The following ELAPOR2 variants were observed in gnomAD, a reference collection of about 807,000 sequenced individuals.
ELAPOR2 encodes endosome/lysosome-associated apoptosis and autophagy regulator family member 2.
In ELAPOR2, 89 loss-of-function variants were observed where a neutral mutation model predicts 120.7. The ratio of observed to expected loss-of-function variants is 0.74; its 90% CI spans 0.62 to 0.88. The LOEUF is 0.88. Ranked by LOEUF, ELAPOR2 falls within the 40% of genes least tolerant of loss-of-function variation. The probability of loss-of-function intolerance (pLI) is 0.00; values close to 1 mark genes in which losing one functional copy is unlikely to be tolerated. For missense variants in ELAPOR2, 1,134 were observed against 1,251.6 expected (o/e 0.91, Z 1.42); for synonymous variants, 444 against 444.9 (o/e 1.00, Z 0.03).
intron 1 of ELAPOR2, among the ~76,000 whole-genome samples, chr7:87,034,347 A>G (rs1024491055): frequency 2.6e-5 from 4 of 152,116 alleles, no homozygotes; most frequent in African/African-American, 9.7e-5. Flanking sequence ...TATTGTTATT[A>G]TTTATTATTC....
intron 18 of ELAPOR2, among the ~76,000 whole-genome samples, chr7:86,901,652 G>T (rs1034007487): frequency 6.6e-6 from 1 of 152,214 alleles, no homozygotes; most frequent in African/African-American, 2.4e-5. Context: ...TGAAGGGAAA[G>T]GCCACAGTTT....
intron 4 of ELAPOR2, among the ~76,000 whole-genome samples, chr7:86,943,257 A>C (rs1409400520): frequency 1.3e-5 from 2 of 151,858 alleles, no homozygotes; most frequent in Non-Finnish European, 2.9e-5. Flanking sequence ...GTAAAACCTA[A>C]GTCTAATCAC....
At chr7:87,021,539 T>C (rs1222261456) in intron 1 of ELAPOR2, among the ~76,000 whole-genome samples, 1 of 152,170 alleles carries the variant, frequency 6.6e-6, no homozygotes, top group Non-Finnish European at 1.5e-5. Flanking sequence ...AACACTAAGA[T>C]GAATAACAAC....
At chr7:86,986,175 A>G (rs1304576498) in intron 1 of ELAPOR2, among the ~76,000 whole-genome samples, 1 of 88,842 alleles carries the variant, frequency 1.1e-5, no homozygotes, top group Non-Finnish European at 2.3e-5. Flanking sequence ...CACGCCTGTA[A>G]TCCCAGCACT....
chr7:86,922,451 A>G (rs529787847), intron 10 of ELAPOR2, among the ~76,000 whole-genome samples: 3 of 151,996 alleles, frequency 2.0e-5, no homozygotes, highest in Admixed American at 2.0e-4. Context: ...ACCTAAAATT[A>G]CTTATAACTT....
intron 1 of ELAPOR2, among the ~76,000 whole-genome samples, chr7:87,006,699 A>T (rs1233863707): frequency 6.6e-6 from 1 of 152,126 alleles, no homozygotes; most frequent in Non-Finnish European, 1.5e-5. Context: ...TCTACTCAAG[A>T]TTTTACCCAA....
intron 10 of ELAPOR2, 57 bp from the exon 11 acceptor site, chr7:86,919,367 A>C: frequency 9.8e-7 from 1 of 1,017,682 alleles, no homozygotes; most frequent in Non-Finnish European, 1.5e-6. Flanking sequence ...ATCTCCAACA[A>C]TCTGTTTAAA....
intron 18 of ELAPOR2, among the ~76,000 whole-genome samples, chr7:86,907,203 A>G (rs1789062680): frequency 6.6e-6 from 1 of 152,108 alleles, no homozygotes; most frequent in Admixed American, 6.6e-5. Context: ...AAGAGCTAGA[A>G]ATCGATAATA....
chr7:87,004,117 C>G (rs961325167), intron 1 of ELAPOR2, among the ~76,000 whole-genome samples: 1 of 152,120 alleles, frequency 6.6e-6, no homozygotes, highest in South Asian at 2.1e-4. Flanking sequence ...ATTATCCTTT[C>G]AAAAGGGAGA....
rs188836271 is a variant in ELAPOR2, at chr7:86,964,680, T to A, written c.310+224A>T. Among the ~76,000 whole-genome samples the A allele has an allele frequency of 6.3e-3, 948 of 151,674 alleles. 5 individuals are homozygous for A. Among genetic ancestry groups the A allele is most frequent in the South Asian group, 0.016 (79 of 4,798 alleles). On this transcript the variant is annotated intron_variant, in intron 2 of 21. Transcript: ENST00000450689. ...TGGTTTCAAATAAGAAAATAGATTT[T>A]AAAAAAAAATAATAACATTCTTTAA... is the stretch of plus-strand genomic sequence containing the variant.
chr7:86,881,310 C>T (rs1315305550), intron 21 of ELAPOR2, among the ~76,000 whole-genome samples: 1 of 151,972 alleles, frequency 6.6e-6, no homozygotes, highest in Non-Finnish European at 1.5e-5. Flanking sequence ...AATCCTCCCA[C>T]CTCAGCCTCC....
intron 20 of ELAPOR2, among the ~76,000 whole-genome samples, chr7:86,892,454 C>T (rs771172343): frequency 1.7e-4 from 26 of 152,024 alleles, no homozygotes; most frequent in Non-Finnish European, 1.3e-4. Context: ...GCTCAATATT[C>T]AATTCCAGAT....
At chr7:87,011,615 G>T (rs1384441002) in intron 1 of ELAPOR2, among the ~76,000 whole-genome samples, 1 of 152,176 alleles carries the variant, frequency 6.6e-6, no homozygotes, top group Non-Finnish European at 1.5e-5. Flanking sequence ...ATACAGCCTT[G>T]TTTATCCAGC....
intron 1 of ELAPOR2, among the ~76,000 whole-genome samples, chr7:87,057,363 T>C (rs1395861504): frequency 6.6e-6 from 1 of 152,238 alleles, no homozygotes; most frequent in Non-Finnish European, 1.5e-5. Flanking sequence ...ATTCAACCCC[T>C]GGGAGGTCAC....
chr7:86,949,474 G>A (rs558081517), intron 2 of ELAPOR2, among the ~76,000 whole-genome samples: 56 of 152,256 alleles, frequency 3.7e-4, no homozygotes, highest in African/African-American at 1.3e-3. Flanking sequence ...GCAGAGCCCC[G>A]TCCTCCCAGG....
chr7:86,942,033 T>C lies in ELAPOR2; in HGVS notation c.726A>G (p.Glu242=), dbSNP rs1463612082. The part of the protein sequence containing the change: ...DKWVKLTDNG[E]WGSHSVMLKS... ...AGAGACTTACAGAATGAGAGCCCCA[T>C]TCTCCATTGTCTGTAAGTTTTACCC... The change falls in exon 5 of 22, where the codon GAA becomes GAG. Residue 242 remains glutamate, a synonymous_variant. Coordinates refer to ENST00000450689, the MANE Select transcript of ELAPOR2 (RefSeq NM_001142749.3). 2.6e-6 allele frequency: 4 copies of C among 1,545,940 alleles called. No individual in the cohort carries two copies. Among genetic ancestry groups the C allele is most frequent in the Non-Finnish European group, 3.5e-6 (4 of 1,142,110 alleles).
chr7:87,017,015 G>T (rs1362564746), intron 1 of ELAPOR2, among the ~76,000 whole-genome samples: 2 of 151,928 alleles, frequency 1.3e-5, no homozygotes, highest in Non-Finnish European at 2.9e-5. Context: ...ATTTTCCACA[G>T]TTGGAAAAAT....
At chr7:86,934,467 T>A (rs1487149799) in intron 8 of ELAPOR2, among the ~76,000 whole-genome samples, 1 of 152,026 alleles carries the variant, frequency 6.6e-6, no homozygotes, top group Non-Finnish European at 1.5e-5. Context: ...CCAAATCCAA[T>A]GGATACTTTT....
chr7:87,040,200 G>A (rs1397818100), intron 1 of ELAPOR2, among the ~76,000 whole-genome samples: 2 of 152,164 alleles, frequency 1.3e-5, no homozygotes, highest in Non-Finnish European at 2.9e-5. Flanking sequence ...GGGGAGAGGC[G>A]CCCGCCATTG....
Sources: allele counts gnomAD v4.1 joint callset (sites outside exome capture counted in the v4.1 genomes callset), GRCh38; gene constraint gnomAD v4.1.1; transcripts MANE v1.5; gene names NCBI Gene and HGNC (gene_info 2026-07-23, HGNC 2026-07-21).